Variants in DCDC2 observed in about 807,000 individuals in gnomAD.
The protein encoded by DCDC2 is doublecortin domain containing 2.
Under a neutral mutation model 50.2 loss-of-function variants are expected in DCDC2, and 40 were observed. The observed-to-expected ratio is 0.80, with a 90% CI of 0.62 to 1.04. The LOEUF (loss-of-function observed/expected upper bound fraction) is 1.04, where lower values mean the gene tolerates loss of function less well. Ranked by LOEUF, DCDC2 falls within the 50% of genes least tolerant of loss-of-function variation. The pLI, the probability that DCDC2 is intolerant of heterozygous loss-of-function variation, is 0.00. For missense variants in DCDC2, 570 were observed against 581.9 expected (o/e 0.98, Z 0.21); for synonymous variants, 234 against 210.6 (o/e 1.11, Z -0.96).
At chr6:24,361,211 G>C (rs542724301), upstream of DCDC2, among the ~76,000 whole-genome samples, 1 of 152,188 alleles carries the variant, frequency 6.6e-6, no homozygotes, top group East Asian at 1.9e-4. Context: ...ATATAAGTAG[G>C]AGTTAAATGA....
At chr6:24,244,512 T>C (rs1228762675) in intron 7 of DCDC2, among the ~76,000 whole-genome samples, 4 of 152,168 alleles carry the variant, frequency 2.6e-5, no homozygotes, top group African/African-American at 9.7e-5. Flanking sequence ...GCTGGGTAAA[T>C]GTCACGGTGT....
At chr6:24,377,514 G>A in the DCDC2 span, among the ~76,000 whole-genome samples, 2 of 151,984 alleles carry the variant, frequency 1.3e-5, no homozygotes, top group African/African-American at 4.8e-5. Context: ...TTGCTTCACC[G>A]AAAATGTCAT....
chr6:24,200,241 T>C (rs1449566294), intron 8 of DCDC2, among the ~76,000 whole-genome samples: 1 of 151,716 alleles, frequency 6.6e-6, no homozygotes, highest in Non-Finnish European at 1.5e-5. Context: ...AAGGAAAAAA[T>C]GTTAAGGGCA....
chr6:24,298,790 G>A (rs990913444), intron 4 of DCDC2, among the ~76,000 whole-genome samples: 3 of 152,120 alleles, frequency 2.0e-5, no homozygotes, highest in Admixed American at 6.5e-5. Flanking sequence ...AAACAGGCCC[G>A]TTCATAGACT....
chr6:24,208,633 G>C (rs1761780842), intron 7 of DCDC2, among the ~76,000 whole-genome samples: 1 of 152,048 alleles, frequency 6.6e-6, no homozygotes, highest in South Asian at 2.1e-4. Flanking sequence ...GCCTCCCAAA[G>C]TGCTGGGATT....
chr6:24,207,111 A>C (rs1311927627), intron 7 of DCDC2, among the ~76,000 whole-genome samples: 3 of 152,238 alleles, frequency 2.0e-5, no homozygotes, highest in African/African-American at 7.2e-5. Flanking sequence ...ACTATTTTAA[A>C]TAGTATTTTT....
chr6:24,201,968 T>C (rs922165239), intron 8 of DCDC2, among the ~76,000 whole-genome samples: 4 of 151,706 alleles, frequency 2.6e-5, no homozygotes, highest in Non-Finnish European at 5.9e-5. Context: ...AGACCGATGA[T>C]AAATTCTGAA....
chr6:24,260,387 G>A (rs1762983611), intron 7 of DCDC2, among the ~76,000 whole-genome samples: 1 of 152,094 alleles, frequency 6.6e-6, no homozygotes. Context: ...GCCTCTTTTG[G>A]CACTTTCTAC....
intron 7 of DCDC2, among the ~76,000 whole-genome samples, chr6:24,241,982 G>A (rs1561903457): frequency 6.6e-6 from 1 of 152,052 alleles, no homozygotes; most frequent in African/African-American, 2.4e-5. Flanking sequence ...GACCAGCCTG[G>A]GCAACATAGC....
intron 7 of DCDC2, among the ~76,000 whole-genome samples, chr6:24,211,677 C>T (rs1045435968): frequency 2.0e-5 from 3 of 152,074 alleles, no homozygotes; most frequent in African/African-American, 7.2e-5. Context: ...ATGGAAAGGC[C>T]ACAAGTCAAG....
At chr6:24,340,704 T>A (rs1422284786) in intron 2 of DCDC2, among the ~76,000 whole-genome samples, 2 of 152,116 alleles carry the variant, frequency 1.3e-5, no homozygotes, top group South Asian at 4.1e-4. Context: ...TTGAATGATA[T>A]TAGATGACTT....
rs755647628 is a variant in DCDC2 at position 24,174,700 on chromosome 6, C to G, written c.*30G>C. ...GTATGATAACCCTTCATTTTTCTTG[C>G]GATCCATATACTCTCTTTTTAAAAA... On this transcript the variant is annotated 3_prime_UTR_variant, in exon 10 of 10. Transcript: ENST00000378454. 5 of 1,463,058 alleles carry G rather than the reference C, an allele frequency of 3.4e-6. No individual in the cohort carries two copies. In the South Asian group the frequency reaches 5.8e-5, roughly 17 times the overall value. The allele number at this position is 1,463,058 out of a possible 1,614,324, so 90.6% of individuals were successfully genotyped here.
upstream of DCDC2, among the ~76,000 whole-genome samples, chr6:24,362,522 T>C (rs185657281): frequency 7.1e-4 from 76 of 107,774 alleles, 1 homozygote; most frequent in African/African-American, 1.2e-3. Context: ...TTTATTTAAT[T>C]GTATATTTAT....
At chr6:24,289,903 G>C (rs1260053167) in intron 5 of DCDC2, among the ~76,000 whole-genome samples, 2 of 140,654 alleles carry the variant, frequency 1.4e-5, no homozygotes, top group African/African-American at 5.0e-5. Flanking sequence ...TCTGGGAAAA[G>C]CAACAGAGAT....
chr6:24,267,407 C>T (rs1763145418), intron 7 of DCDC2, among the ~76,000 whole-genome samples: 1 of 152,146 alleles, frequency 6.6e-6, no homozygotes, highest in African/African-American at 2.4e-5. Flanking sequence ...CGAAATATCT[C>T]ATGTATCCCA....
chr6:24,305,109 C>T (rs948090499), intron 2 of DCDC2, among the ~76,000 whole-genome samples: 8 of 152,262 alleles, frequency 5.3e-5, no homozygotes, highest in Non-Finnish European at 8.8e-5. Flanking sequence ...CTAAAACATG[C>T]TGTTTTGCTT....
At chr6:24,228,654 G>A (rs1220585433) in intron 7 of DCDC2, among the ~76,000 whole-genome samples, 1 of 152,206 alleles carries the variant, frequency 6.6e-6, no homozygotes, top group Admixed American at 6.5e-5. Flanking sequence ...TTAGAGCAGT[G>A]ACTTTTAAAC....
chr6:24,318,570 TG>T (rs1561772662), intron 2 of DCDC2, among the ~76,000 whole-genome samples: 1 of 152,086 alleles, frequency 6.6e-6, no homozygotes, highest in Non-Finnish European at 1.5e-5. Flanking sequence ...AGCATCCTTC[TG>T]AGTCTCTAAT....
At chr6:24,355,457 GGT>G (rs1760450370) in intron 1 of DCDC2, among the ~76,000 whole-genome samples, 1 of 152,116 alleles carries the variant, frequency 6.6e-6, no homozygotes, top group Non-Finnish European at 1.5e-5. Context: ...TGGTCATAGA[GGT>G]GTCTTATATT....
Sources: gnomAD v4.1 joint callset for allele counts (sites outside exome capture counted in the v4.1 genomes callset) on GRCh38, gnomAD v4.1.1 for gene constraint, MANE v1.5 for transcripts, NCBI Gene and HGNC (gene_info 2026-07-23, HGNC 2026-07-21) for gene names.